The following PTPRN2 variants were observed in gnomAD, a reference collection of about 807,000 sequenced individuals.
PTPRN2 encodes protein tyrosine phosphatase receptor type N2.
Under a neutral mutation model 118.8 loss-of-function variants are expected in PTPRN2, and 74 were observed. The observed-to-expected ratio is 0.62, with a 90% CI of 0.52 to 0.76. PTPRN2 has a LOEUF of 0.76. Ranked by LOEUF, PTPRN2 falls within the 30% of genes least tolerant of loss-of-function variation. PTPRN2 has a pLI of 0.00. For synonymous variants in PTPRN2, 641 were observed against 608.0 expected (o/e 1.05, Z -0.80); for missense variants, 1,481 against 1,394.4 (o/e 1.06, Z -0.99).
chr7:158,340,325 T>G (rs1806430490), intron 2 of PTPRN2, among the ~76,000 whole-genome samples: 1 of 100,960 alleles, frequency 9.9e-6, no homozygotes, highest in Non-Finnish European at 2.1e-5. Flanking sequence ...CAGACATCAC[T>G]CACACCCACA....
intron 12 of PTPRN2, among the ~76,000 whole-genome samples, chr7:157,827,762 G>C (rs1414228654): frequency 3.3e-5 from 5 of 152,256 alleles, no homozygotes; most frequent in Non-Finnish European, 7.3e-5. Flanking sequence ...CCGTGCCGGG[G>C]TGGATGTGGC....
rs191259613 is a variant in PTPRN2, at chr7:158,093,184, C to T, written c.1644-11807G>A. ...CCCACACCATAGACCCACACGCAGG[C>T]CTGCACCTCTGTCCTTTCCTGACTC... is the stretch of plus-strand genomic sequence containing the variant. On this transcript the variant is annotated intron_variant, in intron 10 of 22. Coordinates refer to ENST00000389418, the MANE Select transcript of PTPRN2 (RefSeq NM_002847.5). This position sits in a 1 kb window ranked among gnomAD's most constrained non-coding sequence, Gnocchi z 4.4. 4.9e-3 allele frequency among the ~76,000 whole-genome samples: 714 copies of T among 146,758 alleles called. 23 individuals are homozygous for T. Among genetic ancestry groups the T allele is most frequent in the African/African-American group, 0.018 (691 of 38,002 alleles).
At chr7:158,460,780 C>T (rs1369423960) in intron 2 of PTPRN2, among the ~76,000 whole-genome samples, 1 of 152,268 alleles carries the variant, frequency 6.6e-6, no homozygotes, top group Non-Finnish European at 1.5e-5. Context: ...CATGATCGAG[C>T]TTATTCTGAT....
At chr7:158,173,376 C>T (rs1823891973) in intron 5 of PTPRN2, among the ~76,000 whole-genome samples, 1 of 152,164 alleles carries the variant, frequency 6.6e-6, no homozygotes, top group African/African-American at 2.4e-5. Context: ...CACATATTGG[C>T]AGGTTCTGTG....
chr7:157,910,411 C>T (rs1404552839), intron 11 of PTPRN2, among the ~76,000 whole-genome samples: 1 of 143,442 alleles, frequency 7.0e-6, no homozygotes, highest in African/African-American at 2.7e-5. Context: ...TCCAGGATCA[C>T]GCACGTACGC....
chr7:158,283,592 G>C (rs1025959689), intron 3 of PTPRN2, among the ~76,000 whole-genome samples: 1 of 152,158 alleles, frequency 6.6e-6, no homozygotes, highest in African/African-American at 2.4e-5. Flanking sequence ...GCCACCCGCC[G>C]GGGTCACAGC....
At chr7:158,132,592 T>G (rs1220645006) in intron 9 of PTPRN2, among the ~76,000 whole-genome samples, 5 of 88,034 alleles carry the variant, frequency 5.7e-5, no homozygotes, top group Non-Finnish European at 1.1e-4. Flanking sequence ...CACATGCATA[T>G]GCACAGATAC....
intron 11 of PTPRN2, among the ~76,000 whole-genome samples, chr7:158,055,235 G>A (rs1809695214): frequency 6.6e-6 from 1 of 152,204 alleles, no homozygotes; most frequent in Non-Finnish European, 1.5e-5. Context: ...GGGACACAGT[G>A]AGAAGTGACC....
intron 9 of PTPRN2, among the ~76,000 whole-genome samples, chr7:158,115,800 G>A (rs1349384938): frequency 1.3e-5 from 2 of 152,192 alleles, no homozygotes; most frequent in Non-Finnish European, 2.9e-5. Context: ...CAGGACAGAG[G>A]AAAGATCCTG....
chr7:158,249,840 CT>C (rs1796547468), intron 3 of PTPRN2, among the ~76,000 whole-genome samples: 1 of 152,224 alleles, frequency 6.6e-6, no homozygotes, highest in Non-Finnish European at 1.5e-5. Flanking sequence ...ATTTAAACTG[CT>C]TCTCCTGTGC....
intron 6 of PTPRN2, among the ~76,000 whole-genome samples, chr7:158,163,565 T>C (rs1034453173): frequency 2.0e-5 from 3 of 151,430 alleles, no homozygotes; most frequent in South Asian, 2.1e-4. Flanking sequence ...GTGACGCCTG[T>C]ACGGGGTTCT....
At chr7:158,441,549 GGCA>G (rs1217538319) in intron 2 of PTPRN2, among the ~76,000 whole-genome samples, 4 of 150,942 alleles carry the variant, frequency 2.7e-5, no homozygotes, top group African/African-American at 7.3e-5. Flanking sequence ...TGATGGTGAT[GGCA>G]GTGATAGTGA....
rs1802290113 is a variant in PTPRN2, at chr7:157,763,834, C to T, written c.1789-80897G>A. On this transcript the variant is annotated intron_variant, in intron 12 of 22. Transcript: ENST00000389418. This position sits in a 1 kb window ranked among gnomAD's most constrained non-coding sequence, Gnocchi z 4.9. ...GGGCTGCTGGGCCTCTGCTGTGTGG[C>T]CACTGCCCCATGTGGCTGCCCCATC... Among the ~76,000 whole-genome samples, 1 of 152,076 alleles carries T rather than the reference C, an allele frequency of 6.6e-6. No homozygotes were observed. Among genetic ancestry groups the T allele is most frequent in the Non-Finnish European group, 1.5e-5 (1 of 68,020 alleles).
rs776683235 is a variant in PTPRN2, at chr7:157,881,684, T to C, written c.1788+16989A>G. On this transcript the variant is annotated intron_variant, in intron 12 of 22. Transcript: ENST00000389418. This position sits in a 1 kb window ranked among gnomAD's most constrained non-coding sequence, Gnocchi z 4.7. ...GTTTTCGTGGAACGTTAAGTCCAAGTGCTTGTCAACAGAAGAAAGTTACTT... is the reference window on the plus strand; with the variant it reads ...GTTTTCGTGGAACGTTAAGTCCAAGCGCTTGTCAACAGAAGAAAGTTACTT... Among the ~76,000 whole-genome samples, 1 of 151,926 alleles carries C rather than the reference T, an allele frequency of 6.6e-6. No homozygotes were observed. The highest frequency in any genetic ancestry group is 1.5e-5 in the Non-Finnish European group (1 of 68,010).
At chr7:158,313,189 C>A (rs1802015738) in intron 3 of PTPRN2, among the ~76,000 whole-genome samples, 1 of 152,136 alleles carries the variant, frequency 6.6e-6, no homozygotes, top group Non-Finnish European at 1.5e-5. Flanking sequence ...GCATGCCCAC[C>A]TTCCAGAAGC....
At chr7:158,317,892 G>A (rs1484954023) in intron 2 of PTPRN2, among the ~76,000 whole-genome samples, 1 of 152,230 alleles carries the variant, frequency 6.6e-6, no homozygotes. Context: ...GACGGGGCCG[G>A]GTGATTAGCA....
intron 12 of PTPRN2, among the ~76,000 whole-genome samples, chr7:157,703,535 TGTGCA>T (rs1798181894): frequency 1.3e-5 from 2 of 152,214 alleles, no homozygotes; most frequent in African/African-American, 4.8e-5. Flanking sequence ...GATAACTCGC[TGTGCA>T]GTGGAGGGTA....
intron 1 of PTPRN2, among the ~76,000 whole-genome samples, chr7:158,518,831 A>T (rs981399946): frequency 6.6e-6 from 1 of 152,122 alleles, no homozygotes; most frequent in Non-Finnish European, 1.5e-5. Flanking sequence ...TAAAAAGTAC[A>T]AAAATTAGCT....
intron 2 of PTPRN2, among the ~76,000 whole-genome samples, chr7:158,386,891 G>A (rs1281534118): frequency 6.6e-6 from 1 of 152,136 alleles, no homozygotes; most frequent in East Asian, 1.9e-4. Context: ...CTGCCACCCT[G>A]GGAGATGAAT....
Sources: gnomAD v4.1 joint callset for allele counts (sites outside exome capture counted in the v4.1 genomes callset) on GRCh38, gnomAD v4.1.1 for gene constraint, Gnocchi (gnomAD v3.1) non-coding constraint, MANE v1.5 for transcripts, NCBI Gene and HGNC (gene_info 2026-07-23, HGNC 2026-07-21) for gene names.